VOPP1: variants seen among roughly 807,000 people sequenced by gnomAD.
VOPP1 encodes VOPP1 WW domain binding protein.
A neutral mutation model predicts 23.5 loss-of-function variants in VOPP1; 8 were observed. The observed-to-expected ratio is 0.34, with a 90% confidence interval of 0.20 to 0.61. The LOEUF is 0.61. Among genes scored for constraint, VOPP1 ranks in the 20% least tolerant of loss-of-function variants. VOPP1 has a pLI of 0.78. For missense variants in VOPP1, 174 were observed against 238.1 expected, an observed-to-expected ratio of 0.73 and a Z score of 1.77; for synonymous variants, 83 against 97.3, an observed-to-expected ratio of 0.85 and a Z score of 0.86.
intron 4 of VOPP1, among the ~76,000 whole-genome samples, chr7:55,449,740 G>A (rs886121660): frequency 2.0e-5 from 3 of 152,020 alleles, no homozygotes; most frequent in African/African-American, 4.8e-5. Context: ...CGAGCAGCCT[G>A]GCCTCCCGAG....
rs969577254 is a variant in VOPP1, at chr7:55,551,330, G to A, written c.54+20941C>T. On this transcript the variant is annotated intron_variant, in intron 1 of 4. Transcript: ENST00000285279. ...CAAAGCAATGTCCTGGAATGTTAGG[G>A]CGTGGAGCACCAGAACCCCACGTGC... Among the ~76,000 whole-genome samples the A allele has an allele frequency of 1.1e-3, 174 of 152,206 alleles. 3 individuals are homozygous for A. The highest frequency in any genetic ancestry group is 3.5e-4 in the Non-Finnish European group (24 of 68,036).
intron 4 of VOPP1, among the ~76,000 whole-genome samples, chr7:55,442,036 A>G (rs1005976368): frequency 6.6e-6 from 1 of 152,208 alleles, no homozygotes; most frequent in Admixed American, 6.5e-5. Flanking sequence ...TTTCTAATGT[A>G]TAATAATAAT....
At chr7:55,475,272 T>C (rs1326362849) in intron 4 of VOPP1, among the ~76,000 whole-genome samples, 1 of 152,070 alleles carries the variant, frequency 6.6e-6, no homozygotes, top group Non-Finnish European at 1.5e-5. Flanking sequence ...TGGGAGCTGG[T>C]GCACAGGAAG....
downstream of VOPP1, among the ~76,000 whole-genome samples, chr7:55,466,803 C>T (rs1791642489): frequency 6.6e-6 from 1 of 152,120 alleles, no homozygotes; most frequent in African/African-American, 2.4e-5. Flanking sequence ...CAACTATGAA[C>T]ATTTTAATTG....
intron 2 of VOPP1, among the ~76,000 whole-genome samples, chr7:55,501,105 G>A (rs968248905): frequency 2.6e-5 from 4 of 152,224 alleles, no homozygotes; most frequent in African/African-American, 7.2e-5. Context: ...ACTCTTTAAT[G>A]GTGCTTGCAT....
At chr7:55,568,932 G>GA (rs1218701891) in intron 1 of VOPP1, among the ~76,000 whole-genome samples, 1 of 152,128 alleles carries the variant, frequency 6.6e-6, no homozygotes, top group African/African-American at 2.4e-5. Context: ...CCAGCTGGCG[G>GA]AACAAAGGCA....
At chr7:55,527,947 A>G (rs894296017) in intron 1 of VOPP1, among the ~76,000 whole-genome samples, 33 of 4,132 alleles carry the variant, frequency 8.0e-3, no homozygotes, top group East Asian at 0.013. Context: ...GCATAAGGGA[A>G]AAAAAAAATC....
chr7:55,436,131 A>G (rs1320300762), exon 5 of VOPP1: 1 of 152,344 alleles, frequency 6.6e-6, no homozygotes, highest in African/African-American at 2.4e-5. Flanking sequence ...CCTTGTGGGC[A>G]TGAAGGTGAA....
intron 4 of VOPP1, among the ~76,000 whole-genome samples, chr7:55,458,214 G>A (rs1192971996): frequency 2.0e-5 from 3 of 152,076 alleles, no homozygotes; most frequent in Non-Finnish European, 2.9e-5. Flanking sequence ...TGGCACCTTT[G>A]GTGAAAATCA....
chr7:55,476,441 C>CGGGGGGGGGGGG (rs1481944079), intron 4 of VOPP1, among the ~76,000 whole-genome samples: 6 of 83,198 alleles, frequency 7.2e-5, no homozygotes, highest in Admixed American at 1.6e-4. Flanking sequence ...GGGGGGTGGG[C>CGGGGGGGGGGGG]GGGGGGGCTG....
chr7:55,443,789 C>T (rs559540074), intron 4 of VOPP1, among the ~76,000 whole-genome samples: 3 of 151,806 alleles, frequency 2.0e-5, no homozygotes, highest in African/African-American at 7.2e-5. Context: ...AGATTATAGG[C>T]GCACATCACC....
chr7:55,482,347 A>T (rs1413063158), intron 4 of VOPP1, among the ~76,000 whole-genome samples: 6 of 127,806 alleles, frequency 4.7e-5, no homozygotes, highest in East Asian at 2.2e-4. Context: ...GAAGGGAGGT[A>T]TTTTTTTTTT....
chr7:55,441,568 G>A (rs35673917), intron 4 of VOPP1, among the ~76,000 whole-genome samples: 1 of 152,036 alleles, frequency 6.6e-6, no homozygotes, highest in Non-Finnish European at 1.5e-5. Flanking sequence ...AACGCACTTA[G>A]CATGGTACAA....
chr7:55,504,337 T>C (rs1167980915), intron 2 of VOPP1, among the ~76,000 whole-genome samples: 2 of 152,238 alleles, frequency 1.3e-5, no homozygotes, highest in Non-Finnish European at 2.9e-5. Flanking sequence ...TTCAGGCTTA[T>C]CACTGGCCTT....
intron 2 of VOPP1, among the ~76,000 whole-genome samples, chr7:55,512,175 C>T (rs1416459530): frequency 6.6e-6 from 1 of 152,210 alleles, no homozygotes; most frequent in Non-Finnish European, 1.5e-5. Flanking sequence ...ACCTGTATCG[C>T]AGCACTTTGG....
At chr7:55,481,499 C>T (rs1792708462) in intron 4 of VOPP1, among the ~76,000 whole-genome samples, 1 of 152,216 alleles carries the variant, frequency 6.6e-6, no homozygotes, top group South Asian at 2.1e-4. Context: ...GGCCAACTGG[C>T]CTCAAGGCTC....
chr7:55,520,247 G>C (rs1225829190), intron 2 of VOPP1, among the ~76,000 whole-genome samples: 1 of 152,128 alleles, frequency 6.6e-6, no homozygotes, highest in Non-Finnish European at 1.5e-5. Context: ...AGAATATATA[G>C]TGTTTCTGCT....
chr7:55,513,368 C>A (rs1165018972), intron 2 of VOPP1, among the ~76,000 whole-genome samples: 11 of 152,148 alleles, frequency 7.2e-5, no homozygotes. Flanking sequence ...CCTTATCCAG[C>A]GGTTTGACAA....
At chr7:55,511,230 A>C (rs1187853374) in intron 2 of VOPP1, among the ~76,000 whole-genome samples, 1 of 152,218 alleles carries the variant, frequency 6.6e-6, no homozygotes, top group Non-Finnish European at 1.5e-5. Context: ...GGACAGTTTG[A>C]AACAGGTGCT....
Sources: allele counts gnomAD v4.1 joint callset (sites outside exome capture counted in the v4.1 genomes callset), GRCh38; gene constraint gnomAD v4.1.1; transcripts MANE v1.5; gene names NCBI Gene and HGNC (gene_info 2026-07-23, HGNC 2026-07-21).